TMEM273: variants seen among roughly 807,000 people sequenced by gnomAD.
TMEM273 encodes the protein transmembrane protein 273, also known as chromosome 10 open reading frame 128.
TMEM273 carries 19 observed loss-of-function variants against 17.9 expected under a neutral mutation model. That is an observed-to-expected ratio of 1.06 (90% confidence interval 0.74 to 1.55). The LOEUF (loss-of-function observed/expected upper bound fraction) is 1.55, where lower values mean the gene tolerates loss of function less well. Among genes scored for constraint, TMEM273 ranks in the 40% most tolerant of loss-of-function variants. TMEM273 has a pLI of 0.00. For synonymous variants in TMEM273, 66 were observed against 62.0 expected (o/e 1.07, Z -0.31); for missense variants, 194 against 155.6 (o/e 1.25, Z -1.31).
chr10:49,171,896 G>T (rs1230868795), intron 1 of TMEM273, among the ~76,000 whole-genome samples: 2 of 152,304 alleles, frequency 1.3e-5, no homozygotes, highest in Middle Eastern at 3.4e-3. Flanking sequence ...CCACCTGTTG[G>T]GTCCACCCTT....
intron 1 of TMEM273, among the ~76,000 whole-genome samples, chr10:49,171,399 C>G (rs117824293): frequency 2.0e-5 from 3 of 152,190 alleles, no homozygotes; most frequent in Non-Finnish European, 4.4e-5. Flanking sequence ...TGCTGAGATG[C>G]GGGGGCTTTC....
chr10:49,160,890 A>G (rs562102496), intron 6 of TMEM273: 7 of 152,274 alleles, frequency 4.6e-5, no homozygotes, highest in East Asian at 1.9e-4. Flanking sequence ...AAAATTTTTC[A>G]TAAAGCAGGA....
chr10:49,164,318 C>T (rs1360005599), intron 5 of TMEM273, among the ~76,000 whole-genome samples: 1 of 152,190 alleles, frequency 6.6e-6, no homozygotes, highest in Non-Finnish European at 1.5e-5. Context: ...CCTGGGCCAG[C>T]TCCTCCTTAA....
At chr10:49,186,231 G>T (rs183093284) in intron 1 of TMEM273, among the ~76,000 whole-genome samples, 1 of 152,100 alleles carries the variant, frequency 6.6e-6, no homozygotes, top group African/African-American at 2.4e-5. Context: ...TCATAGAAAG[G>T]CATGTCTTTC....
At chr10:49,175,057 C>T (rs1360324289) in intron 1 of TMEM273, among the ~76,000 whole-genome samples, 1 of 151,850 alleles carries the variant, frequency 6.6e-6, no homozygotes, top group Non-Finnish European at 1.5e-5. Flanking sequence ...AATAAAGTCT[C>T]GGTGAGGTGG....
At chr10:49,172,422 G>C (rs9651390) in intron 1 of TMEM273, among the ~76,000 whole-genome samples, 2,255 of 152,306 alleles carry the variant, frequency 0.015, 50 homozygotes, top group African/African-American at 0.052. Context: ...AGGGTGCAGA[G>C]TGGGCACTGG....
Position 49,155,070 on chromosome 10 carries a change from T to C in TMEM273, c.*822A>G, listed in dbSNP as rs1215516593. 2.0e-5 allele frequency: 3 copies of C among 152,252 alleles called. No homozygotes were observed. The highest frequency in any genetic ancestry group is 2.9e-5 in the Non-Finnish European group (2 of 68,056). 9.4% of individuals were successfully genotyped at this position (152,252 alleles called of 1,614,324 possible). A position where few individuals can be genotyped will look rare whatever the true frequency, so the allele number is the denominator to read the frequency against. On this transcript the variant is annotated 3_prime_UTR_variant, in exon 7 of 7. Coordinates refer to ENST00000374153, the MANE Select transcript of TMEM273 (RefSeq NM_001288740.3). ...TCACGGGGCCTTAGCCTGATGGCAA[T>C]TGTAGAATGTCATGGCTTTCCTCAG... is the stretch of plus-strand genomic sequence containing the variant.
chr10:49,186,104 AGAAGAG>A (rs796268684), intron 1 of TMEM273, among the ~76,000 whole-genome samples: 5 of 133,490 alleles, frequency 3.7e-5, no homozygotes, highest in African/African-American at 1.5e-4. Flanking sequence ...AAGAAGAAGA[AGAAGAG>A]GAAGAAGAAG....
intron 1 of TMEM273, among the ~76,000 whole-genome samples, chr10:49,180,480 C>G (rs998692050): frequency 2.6e-5 from 4 of 152,196 alleles, no homozygotes; most frequent in East Asian, 1.9e-4. Flanking sequence ...GCTCCACCCC[C>G]CTAGCAATTA....
At chr10:49,156,038 C>T in intron 6 of TMEM273, 129 bp from the exon 7 acceptor site, 1 of 1,571,156 alleles carries the variant, frequency 6.4e-7, no homozygotes, top group Non-Finnish European at 8.6e-7. Context: ...GCAAGGTGGG[C>T]CACTTCCTTG....
At chr10:49,159,615 G>A (rs1243879910) in intron 6 of TMEM273, among the ~76,000 whole-genome samples, 3 of 152,156 alleles carry the variant, frequency 2.0e-5, no homozygotes, top group Non-Finnish European at 4.4e-5. Context: ...GGGCCTAGAA[G>A]CAATGACACC....
intron 1 of TMEM273, among the ~76,000 whole-genome samples, chr10:49,172,240 C>G (rs1171803173): frequency 6.6e-6 from 1 of 152,094 alleles, no homozygotes; most frequent in Non-Finnish European, 1.5e-5. Context: ...TTCCAGGGGG[C>G]CCCAGTGCCT....
intron 3 of TMEM273, 87 bp from the exon 4 acceptor site, chr10:49,165,883 G>A (rs1326149339): frequency 2.6e-5 from 40 of 1,562,636 alleles, no homozygotes; most frequent in East Asian, 6.7e-5. Flanking sequence ...CCCTCTCCTT[G>A]GTCCTCTCAC....
chr10:49,163,108 G>T (rs1037973963), intron 5 of TMEM273, among the ~76,000 whole-genome samples: 36 of 152,284 alleles, frequency 2.4e-4, no homozygotes, highest in African/African-American at 8.7e-4. Flanking sequence ...ACACAGAGCT[G>T]CCCGGGGCAA....
rs985272563 is a variant in TMEM273 at position 49,166,957 on chromosome 10, G to A, written c.150C>T (p.Gly50=). ...GTAVGVAISA[G]FLALKICMIR... is the part of the protein sequence containing the mutation. ...TCATGCAGATCTTCAGGGCCAGGAAGCCAGCAGATATGGCGACACCCACAG... is the reference window on the plus strand; with the variant it reads ...TCATGCAGATCTTCAGGGCCAGGAAACCAGCAGATATGGCGACACCCACAG... The change falls in exon 3 of 7, where the codon GGC becomes GGT. Residue 50 remains glycine, a synonymous_variant. Transcript: ENST00000374153. 6.2e-7 allele frequency: 1 copy of A among 1,614,194 alleles called. No homozygotes were observed. The highest frequency in any genetic ancestry group is 8.5e-7 in the Non-Finnish European group (1 of 1,180,024).
intron 1 of TMEM273, among the ~76,000 whole-genome samples, chr10:49,174,069 A>C (rs1186629106): frequency 6.6e-6 from 1 of 152,058 alleles, no homozygotes; most frequent in South Asian, 2.1e-4. Context: ...CCCTTTTTTC[A>C]TCTGAAAATG....
At chr10:49,160,773 T>C (rs553365635) in intron 6 of TMEM273, 1 of 152,280 alleles carries the variant, frequency 6.6e-6, no homozygotes, top group East Asian at 1.9e-4. Context: ...AAAAAAGGCT[T>C]ATGTACACAG....
chr10:49,157,978 C>T (rs899543674), intron 6 of TMEM273, among the ~76,000 whole-genome samples: 34 of 152,198 alleles, frequency 2.2e-4, no homozygotes, highest in East Asian at 5.8e-4. Context: ...CAAGGCAACC[C>T]CTATAATGCT....
intron 1 of TMEM273, among the ~76,000 whole-genome samples, chr10:49,179,148 A>T (rs539325262): frequency 6.6e-6 from 1 of 152,250 alleles, no homozygotes; most frequent in Non-Finnish European, 1.5e-5. Flanking sequence ...CATGGAATCA[A>T]ATTTAATAAA....
Sources: allele counts gnomAD v4.1 joint callset (sites outside exome capture counted in the v4.1 genomes callset), GRCh38; gene constraint gnomAD v4.1.1; transcripts MANE v1.5; gene names NCBI Gene and HGNC (gene_info 2026-07-23, HGNC 2026-07-21).